The following NHS variants were observed in gnomAD, a reference collection of about 807,000 sequenced individuals.
NHS encodes the protein NHS actin remodeling regulator.
Under a neutral mutation model 72.5 loss-of-function variants are expected in NHS, and 5 were observed. The observed-to-expected ratio is 0.07, with a 90% CI of 0.04 to 0.14. NHS has a LOEUF of 0.14. NHS is among the 10% of genes least tolerant of loss of function. NHS has a pLI of 1.00. For missense variants in NHS, 1,072 were observed against 1,355.7 expected, an observed-to-expected ratio of 0.79 and a Z score of 3.29; for synonymous variants, 464 against 547.7, an observed-to-expected ratio of 0.85 and a Z score of 2.13.
intron 6 of NHS, 115 bp downstream of exon 6, chrX:17,724,545 CTA>C: frequency 9.8e-7 from 1 of 1,021,851 alleles, no homozygotes; most frequent in Non-Finnish European, 1.4e-6. Context: ...AAAATGGTGT[CTA>C]TTTGTTTTGT....
rs189755916 is a variant in NHS, at chrX:17,452,498, T to G, written c.565+76176T>G. 9.3e-3 allele frequency among the ~76,000 whole-genome samples: 1,018 copies of G among 109,137 alleles called. 9 individuals are homozygous for G. Among genetic ancestry groups the G allele is most frequent in the African/African-American group, 0.016 (478 of 29,849 alleles). 94.8% of individuals were successfully genotyped at this position (109,137 alleles called of 115,157 possible). ...GGCTCAGTATCTTTCTGTGTTTTTT[T>G]TTTTTGTTTTTGTTTTTGTTTTTGT... On this transcript the variant is annotated intron_variant, in intron 1 of 8. Coordinates refer to ENST00000676302, the MANE Select transcript of NHS (RefSeq NM_001291867.2).
intron 1 of NHS, among the ~76,000 whole-genome samples, chrX:17,529,379 A>G (rs1283240733): frequency 8.9e-6 from 1 of 111,958 alleles, no homozygotes; most frequent in Non-Finnish European, 1.9e-5. Flanking sequence ...AGAAAAGTGC[A>G]TGTACATATA....
Position 17,726,858 on chromosome X carries a change from A to G in NHS, c.2752A>G (p.Ser918Gly). The G allele has an allele frequency of 8.3e-7, 1 of 1,211,958 alleles. No homozygotes were observed. Among genetic ancestry groups the G allele is most frequent in the Non-Finnish European group, 1.1e-6 (1 of 895,590 alleles). ...TKQEPSWINQ[S>G]EQGIKEPQLD... is the part of the protein sequence containing the mutation. ...GCAGGAACCTTCTTGGATAAACCAG[A>G]GTGAACAAGGCATTAAGGAACCTCA... Residue 918 changes from serine (S) to glycine (G), a missense_variant, in exon 7 of 9, where the codon AGT (serine) becomes GGT (glycine). By Grantham distance (56) the Ser-to-Gly change is moderately conservative (BLOSUM62 0). Coordinates refer to ENST00000676302, the MANE Select transcript of NHS (RefSeq NM_001291867.2).
chrX:17,526,572 G>A (rs1406749540), intron 1 of NHS, among the ~76,000 whole-genome samples: 2 of 111,934 alleles, frequency 1.8e-5, no homozygotes, highest in Non-Finnish European at 3.8e-5. Context: ...TCCACCTCTC[G>A]ATGGGAGGGC....
intron 1 of NHS, among the ~76,000 whole-genome samples, chrX:17,380,012 G>A (rs2146837813): frequency 8.9e-6 from 1 of 111,795 alleles, no homozygotes; most frequent in East Asian, 2.8e-4. Context: ...TGAAGCCTTG[G>A]AGCTAGACAC....
chrX:17,512,717 G>A (rs2065096135), intron 1 of NHS, among the ~76,000 whole-genome samples: 1 of 112,598 alleles, frequency 8.9e-6, no homozygotes, highest in African/African-American at 3.2e-5. Flanking sequence ...ACAAATTTTT[G>A]TTTTTAAGAC....
rs2064344076 is a variant in NHS at position 17,375,987 on chromosome X, C to G, written c.230C>G (p.Pro77Arg). ...CCGCCGCCGCCGCCACTGCCCGCGC[C>G]GGCCGACCAGACTCAGCCGCCGCAC... is the stretch of plus-strand genomic sequence containing the variant. The part of the protein sequence containing the change: ...LPPPPPPLPA[P>R]ADQTQPPHGE... Residue 77 changes from proline to arginine, a missense_variant, in exon 1 of 9, where the codon CCG (proline) becomes CGG (arginine). Coordinates refer to ENST00000676302, the MANE Select transcript of NHS (RefSeq NM_001291867.2). 2 of 1,078,202 alleles carry G rather than the reference C, an allele frequency of 1.9e-6. No individual in the cohort carries two copies. Among genetic ancestry groups the G allele is most frequent in the Non-Finnish European group, 2.4e-6 (2 of 833,634 alleles). 88.9% of individuals were successfully genotyped at this position (1,078,202 alleles called of 1,213,427 possible). A position where few individuals can be genotyped will look rare whatever the true frequency, so the allele number is the denominator to read the frequency against.
chrX:17,466,189 G>A (rs1297444817), intron 1 of NHS, among the ~76,000 whole-genome samples: 3 of 113,163 alleles, frequency 2.7e-5, no homozygotes, highest in African/African-American at 9.6e-5. Flanking sequence ...GAGCTGCAGT[G>A]GGGCAGGCAA....
intron 1 of NHS, chrX:17,635,733 C>T (rs898009571): frequency 2.3e-4 from 156 of 683,763 alleles, no homozygotes; most frequent in Non-Finnish European, 3.2e-4. Flanking sequence ...TGAAAGTGAG[C>T]CCTTTCACAG....
At chrX:17,484,248 T>A (rs1348623886) in intron 1 of NHS, among the ~76,000 whole-genome samples, 1 of 112,576 alleles carries the variant, frequency 8.9e-6, no homozygotes, top group Non-Finnish European at 1.9e-5. Context: ...AAGGAAAGGG[T>A]TTGAGCAACC....
At chrX:17,639,645 A>T (rs2065870726) in intron 1 of NHS, among the ~76,000 whole-genome samples, 1 of 112,211 alleles carries the variant, frequency 8.9e-6, no homozygotes, top group Admixed American at 9.4e-5. Context: ...TTAACCCATT[A>T]ATCTGTTAAT....
Position 17,726,757 on chromosome X carries a change from G to A in NHS, c.2651G>A (p.Ser884Asn), listed in dbSNP as rs1208239123. ...KISSGQHLPH[S>N]SREMKLPLDF... is the part of the protein sequence containing the mutation. ...AGCAGTGGTCAGCACCTGCCTCACAGTTCCAGGGAAATGAAGCTGCCTCTT... is the reference window on the plus strand; with the variant it reads ...AGCAGTGGTCAGCACCTGCCTCACAATTCCAGGGAAATGAAGCTGCCTCTT... The change falls in exon 7 of 9, where the codon AGT becomes AAT. Residue 884 changes from serine (S) to asparagine (N), a missense_variant. Transcript: ENST00000676302. 3.3e-6 allele frequency: 4 copies of A among 1,210,472 alleles called. No homozygotes were observed. Among genetic ancestry groups the A allele is most frequent in the Non-Finnish European group, 4.5e-6 (4 of 895,369 alleles).
chrX:17,554,681 G>A (rs1321337259), intron 1 of NHS, among the ~76,000 whole-genome samples: 1 of 111,627 alleles, frequency 9.0e-6, no homozygotes. Flanking sequence ...TCTAGTAGGA[G>A]CCATTGTTCA....
At chrX:17,386,030 G>C (rs1053468911) in intron 1 of NHS, among the ~76,000 whole-genome samples, 3 of 111,615 alleles carry the variant, frequency 2.7e-5, no homozygotes, top group Non-Finnish European at 3.8e-5. Context: ...GGAGTGGGAA[G>C]TGGCCACCCC....
intron 1 of NHS, among the ~76,000 whole-genome samples, chrX:17,657,894 T>G (rs976195935): frequency 2.7e-5 from 3 of 113,040 alleles, no homozygotes; most frequent in Admixed American, 9.3e-5. Flanking sequence ...CCATGCCAAC[T>G]TCCTACTGTG....
chrX:17,718,662 G>A (rs2066382503), intron 3 of NHS, among the ~76,000 whole-genome samples: 2 of 92,117 alleles, frequency 2.2e-5, no homozygotes, highest in African/African-American at 8.1e-5. Flanking sequence ...AGGAAGGGAA[G>A]TAGGAAAGGA....
intron 1 of NHS, among the ~76,000 whole-genome samples, chrX:17,435,800 G>C (rs758242075): frequency 8.9e-6 from 1 of 112,145 alleles, no homozygotes; most frequent in Admixed American, 9.4e-5. Context: ...GCACATAATG[G>C]AGGAGTCCAC....
chrX:17,547,760 T>TA, intron 1 of NHS, among the ~76,000 whole-genome samples: 1 of 112,601 alleles, frequency 8.9e-6, no homozygotes, highest in East Asian at 2.8e-4. Context: ...TACAGACACA[T>TA]ACACTTATTC....
intron 1 of NHS, among the ~76,000 whole-genome samples, chrX:17,462,525 G>A (rs1357695108): frequency 8.9e-6 from 1 of 111,803 alleles, no homozygotes; most frequent in Non-Finnish European, 1.9e-5. Flanking sequence ...TGAAGACCTA[G>A]GATGTGCCTG....
Sources: gnomAD v4.1 joint callset for allele counts (sites outside exome capture counted in the v4.1 genomes callset) on GRCh38, gnomAD v4.1.1 for gene constraint, MANE v1.5 for transcripts, NCBI Gene and HGNC (gene_info 2026-07-23, HGNC 2026-07-21) for gene names.